The following PDK3 variants were observed in gnomAD, a reference collection of about 807,000 sequenced individuals.
PDK3 encodes the protein pyruvate dehydrogenase kinase 3, also known as pyruvate dehydrogenase kinase, isozyme 3.
In PDK3, 12 loss-of-function variants were observed where a neutral mutation model predicts 32.0. That is an observed-to-expected ratio of 0.37 (90% CI 0.24 to 0.61). The LOEUF is 0.61. Ranked by LOEUF, PDK3 falls within the 20% of genes least tolerant of loss-of-function variation. The probability of loss-of-function intolerance (pLI) is 0.65; values close to 1 mark genes in which losing one functional copy is unlikely to be tolerated. For missense variants in PDK3, 188 were observed against 316.9 expected (o/e 0.59, Z 3.09); for synonymous variants, 122 against 116.3 (o/e 1.05, Z -0.31).
chrX:24,501,654 G>A (rs1297402842), intron 3 of PDK3, among the ~76,000 whole-genome samples: 1 of 112,727 alleles, frequency 8.9e-6, no homozygotes, highest in African/African-American at 3.2e-5. Flanking sequence ...AGAGGTTGCA[G>A]TGAGTCAAGA....
chrX:24,479,549 C>T (rs180806638), intron 1 of PDK3, among the ~76,000 whole-genome samples: 585 of 111,126 alleles, frequency 5.3e-3, no homozygotes, highest in Middle Eastern at 0.014. Flanking sequence ...TTTGGGAGGC[C>T]GAGGCAGGCA....
chrX:24,518,967 G>A lies in PDK3; in HGVS notation c.630G>A (p.Gln210=). 8.4e-7 allele frequency: 1 copy of A among 1,197,497 alleles called. No individual in the cohort carries two copies. The highest frequency in any genetic ancestry group is 1.8e-5 in the South Asian group (1 of 55,055). ...AAACAGCCAAGATGCTGTGTGAACA[G>A]TATTACCTGGTAGCTCCAGAGCTGG... is the stretch of plus-strand genomic sequence containing the variant. The part of the protein sequence containing the change: ...AYETAKMLCE[Q]YYLVAPELEV... The change falls in exon 6 of 11, where the codon CAG becomes CAA. Residue 210 remains glutamine (Q), a synonymous_variant. Coordinates refer to ENST00000379162, the MANE Select transcript of PDK3 (RefSeq NM_005391.5).
intron 9 of PDK3, among the ~76,000 whole-genome samples, chrX:24,529,330 G>T (rs917349101): frequency 9.0e-6 from 1 of 111,382 alleles, no homozygotes; most frequent in African/African-American, 3.3e-5. Flanking sequence ...AACAGTTAAC[G>T]CATGCGCACT....
At chrX:24,503,822 A>ATACT (rs1921920070) in intron 4 of PDK3, among the ~76,000 whole-genome samples, 2 of 112,391 alleles carry the variant, frequency 1.8e-5, no homozygotes, top group Admixed American at 1.9e-4. Flanking sequence ...TCATCTCTGA[A>ATACT]TACTTTTATG....
downstream of PDK3, among the ~76,000 whole-genome samples, chrX:24,535,776 C>G (rs1242217250): frequency 1.8e-5 from 2 of 109,639 alleles, no homozygotes; most frequent in Non-Finnish European, 3.8e-5. Flanking sequence ...CCTCTGCCTC[C>G]TGGCTTCAAG....
intron 3 of PDK3, among the ~76,000 whole-genome samples, chrX:24,499,700 A>G (rs1203816191): frequency 8.9e-6 from 1 of 112,290 alleles, no homozygotes; most frequent in Non-Finnish European, 1.9e-5. Flanking sequence ...ATCCACAGAT[A>G]AGGAAACTGA....
rs376346872 is a variant in PDK3, at chrX:24,496,771, C to CTTTT, written c.248+1913_248+1916dup. Among the ~76,000 whole-genome samples the CTTTT allele has an allele frequency of 4.3e-3, 152 of 35,415 alleles. 11 individuals carry two copies. Among genetic ancestry groups the CTTTT allele is most frequent in the Admixed American group, 0.013 (35 of 2,762 alleles). The allele number at this position is 35,415 out of a possible 115,157, so 30.8% of individuals were successfully genotyped here. ...GTCAGGCTGGGAACCTCAAAATAAT[C>CTTTT]TTTTTTTTTTTTTTTTTTTTTTTTT... is the stretch of plus-strand genomic sequence containing the variant. On this transcript the variant is annotated intron_variant, in intron 2 of 10. Coordinates refer to ENST00000379162, the MANE Select transcript of PDK3 (RefSeq NM_005391.5).
downstream of PDK3, among the ~76,000 whole-genome samples, chrX:24,537,117 C>CTTT (rs34294652): frequency 6.0e-5 from 5 of 82,733 alleles, no homozygotes; most frequent in Admixed American, 1.4e-4. Flanking sequence ...CTTTTCTTTT[C>CTTT]TTTTTTTTTT....
chrX:24,473,278 G>T (rs1334921375), intron 1 of PDK3, among the ~76,000 whole-genome samples: 8 of 105,741 alleles, frequency 7.6e-5, no homozygotes, highest in Non-Finnish European at 1.6e-4. Flanking sequence ...GGAGGCTGAG[G>T]CAGGAGAATT....
At chrX:24,473,987 G>A (rs1921041159) in intron 1 of PDK3, among the ~76,000 whole-genome samples, 1 of 112,070 alleles carries the variant, frequency 8.9e-6, no homozygotes, top group African/African-American at 3.2e-5. Flanking sequence ...TCTGAATGTT[G>A]AATGAGTTGG....
At chrX:24,481,454 A>G (rs1428354370) in intron 1 of PDK3, among the ~76,000 whole-genome samples, 1 of 112,233 alleles carries the variant, frequency 8.9e-6, no homozygotes, top group Non-Finnish European at 1.9e-5. Context: ...ATAGAGAGAC[A>G]AACAAAAATC....
intron 5 of PDK3, among the ~76,000 whole-genome samples, chrX:24,512,930 A>G (rs189299304): frequency 8.1e-5 from 9 of 110,952 alleles, no homozygotes; most frequent in Non-Finnish European, 1.7e-4. Flanking sequence ...TGGGCACTCT[A>G]GTCCTTCACA....
At chrX:24,489,044 AAAAC>A (rs1302082364) in intron 1 of PDK3, among the ~76,000 whole-genome samples, 3 of 112,330 alleles carry the variant, frequency 2.7e-5, no homozygotes, top group African/African-American at 9.7e-5. Context: ...AAGACTTATC[AAAAC>A]AGAACCCTCT....
intron 5 of PDK3, among the ~76,000 whole-genome samples, chrX:24,517,507 G>A (rs1355417914): frequency 8.9e-6 from 1 of 112,839 alleles, no homozygotes; most frequent in Non-Finnish European, 1.9e-5. Context: ...ACAGGCGTGA[G>A]CCACTGCACC....
intron 5 of PDK3, among the ~76,000 whole-genome samples, chrX:24,509,259 CT>C (rs1271212708): frequency 9.0e-6 from 1 of 111,551 alleles, no homozygotes; most frequent in Non-Finnish European, 1.9e-5. Flanking sequence ...CCACAGTCCC[CT>C]CCTTTTTCTT....
At position 24,503,632 on chromosome X, in the gene PDK3, G is replaced by A. The variant is rs748060709; in HGVS notation, c.505+121G>A. On this transcript the variant is annotated intron_variant, in intron 4 of 10. Transcript: ENST00000379162. ...GTTGTAGAAATTTCATTTCTAGTTC[G>A]GTTTTTCCTAAGTGAATCCTAGCCA... The A allele has an allele frequency of 1.8e-5, 9 of 497,409 alleles. No individual in the cohort carries two copies. The East Asian group carries it at 2.0e-4, about 11-fold the overall frequency. 41.0% of individuals were successfully genotyped at this position (497,409 alleles called of 1,213,427 possible).
At chrX:24,511,516 T>C (rs1365238759) in intron 5 of PDK3, among the ~76,000 whole-genome samples, 1 of 107,293 alleles carries the variant, frequency 9.3e-6, no homozygotes, top group Non-Finnish European at 1.9e-5. Context: ...CGTCTGTGTG[T>C]GAGCCTCTTT....
downstream of PDK3, among the ~76,000 whole-genome samples, chrX:24,537,140 C>T: frequency 1.1e-5 from 1 of 87,878 alleles, no homozygotes; most frequent in African/African-American, 4.3e-5. Context: ...TTTTTTGAGA[C>T]AGAGTCTCAC....
downstream of PDK3, among the ~76,000 whole-genome samples, chrX:24,538,687 C>T (rs1019797041): frequency 1.8e-5 from 2 of 110,901 alleles, no homozygotes; most frequent in African/African-American, 6.6e-5. Flanking sequence ...GGCTGAGGCA[C>T]GAGACAAACC....
Sources: allele counts gnomAD v4.1 joint callset (sites outside exome capture counted in the v4.1 genomes callset), GRCh38; gene constraint gnomAD v4.1.1; transcripts MANE v1.5; gene names NCBI Gene and HGNC (gene_info 2026-07-23, HGNC 2026-07-21).